ADCY7: variants seen among roughly 807,000 people sequenced by gnomAD.
ADCY7 encodes adenylate cyclase 7.
In ADCY7, 72 loss-of-function variants were observed where a neutral mutation model predicts 120.6. That is an observed-to-expected ratio of 0.60 (90% confidence interval 0.49 to 0.73). The LOEUF is 0.73. Among genes scored for constraint, ADCY7 ranks in the 30% least tolerant of loss-of-function variants. The pLI is 0.00. For missense variants in ADCY7, 1,227 were observed against 1,486.0 expected (o/e 0.83, Z 2.87); for synonymous variants, 661 against 628.0 (o/e 1.05, Z -0.78).
upstream of ADCY7, among the ~76,000 whole-genome samples, chr16:50,266,165 G>A (rs1480386862): frequency 6.6e-6 from 1 of 152,152 alleles, no homozygotes; most frequent in Admixed American, 6.5e-5. Context: ...TGAGTCCCAG[G>A]AAGGCGCGGG....
Position 50,266,639 on chromosome 16 carries a change from T to TGGCCA in ADCY7, c.-309_-308insGCCAG, listed in dbSNP as rs2033230566. The TGGCCA allele has an allele frequency of 5.2e-5, 8 of 153,202 alleles. No homozygotes were observed. In the Admixed American group the frequency reaches 5.2e-4, roughly 10 times the overall value. The allele number at this position is 153,202 out of a possible 1,614,324, so 9.5% of individuals were successfully genotyped here. ...GCAGGCGGGGGCCGGGCCACCTCCC[T>TGGCCA]GCAGACCCTGGCCGGCTGCTGGGGC... On this transcript the variant is annotated 5_prime_UTR_variant, in exon 1 of 26. Coordinates refer to ENST00000673801, the MANE Select transcript of ADCY7 (RefSeq NM_001114.5).
Position 50,304,406 on chromosome 16 carries a change from G to A in ADCY7, c.1415G>A (p.Gly472Glu), listed in dbSNP as rs748417429. 1.9e-6 allele frequency: 3 copies of A among 1,589,746 alleles called. No individual in the cohort carries two copies. Among genetic ancestry groups the A allele is most frequent in the Admixed American group, 3.5e-5 (2 of 57,004 alleles). ...PPSQHLPRPK[G>E]DAALKMRASV... Reference sequence around the variant, plus strand: ...AGCCAACACCTCCCCAGGCCCAAGGGGGACGCGGCCCTGAAGATGCGGGCG... The same window carrying A: ...AGCCAACACCTCCCCAGGCCCAAGGAGGACGCGGCCCTGAAGATGCGGGCG... Residue 472 changes from glycine to glutamate, a missense_variant, in exon 11 of 26, where the codon GGG becomes GAG. Transcript: ENST00000673801.
At chr16:50,250,371 C>T (rs553934914) in intron 1 of ADCY7, among the ~76,000 whole-genome samples, 2 of 150,188 alleles carry the variant, frequency 1.3e-5, no homozygotes, top group South Asian at 2.1e-4. Flanking sequence ...GCAGGAGAAT[C>T]GCTTGAACCC....
chr16:50,274,957 C>G (rs2033791679), intron 1 of ADCY7, among the ~76,000 whole-genome samples: 1 of 152,212 alleles, frequency 6.6e-6, no homozygotes, highest in Non-Finnish European at 1.5e-5. Context: ...GCCCAGGGCT[C>G]TATTCCCTGC....
intron 1 of ADCY7, among the ~76,000 whole-genome samples, chr16:50,247,139 G>A (rs938205860): frequency 1.9e-4 from 29 of 152,236 alleles, no homozygotes; most frequent in Non-Finnish European, 3.4e-4. Flanking sequence ...GACTTAGGCA[G>A]GGGCTTTGGG....
intron 1 of ADCY7, among the ~76,000 whole-genome samples, chr16:50,253,670 T>G (rs949700109): frequency 6.6e-6 from 1 of 152,178 alleles, no homozygotes; most frequent in Admixed American, 6.5e-5. Flanking sequence ...CTGCCCACTC[T>G]TTTGTGGTCA....
At chr16:50,259,005 TC>T (rs1489120191) in intron 1 of ADCY7, among the ~76,000 whole-genome samples, 1 of 152,232 alleles carries the variant, frequency 6.6e-6, no homozygotes, top group Non-Finnish European at 1.5e-5. Context: ...GCATTGTTTT[TC>T]CTTTTTCTTG....
At chr16:50,273,689 A>G (rs531061163) in intron 1 of ADCY7, among the ~76,000 whole-genome samples, 1 of 152,326 alleles carries the variant, frequency 6.6e-6, no homozygotes, top group East Asian at 1.9e-4. Context: ...TGCTCAGGTG[A>G]GAAACTGAGT....
intron 1 of ADCY7, among the ~76,000 whole-genome samples, chr16:50,282,911 G>A (rs1458169636): frequency 6.6e-6 from 1 of 152,094 alleles, no homozygotes; most frequent in African/African-American, 2.4e-5. Context: ...TTATAGCGAT[G>A]GGGTCTCATT....
chr16:50,271,131 C>A (rs2033544093), intron 1 of ADCY7, among the ~76,000 whole-genome samples: 1 of 152,224 alleles, frequency 6.6e-6, no homozygotes, highest in Non-Finnish European at 1.5e-5. Flanking sequence ...TAGAAGGGAC[C>A]AGTGTTGGGG....
At position 50,311,809 on chromosome 16, in the gene ADCY7, C is replaced by CA. The variant is rs745494382; in HGVS notation, c.2448+23_2448+24insA. On this transcript the variant is annotated intron_variant, in intron 20 of 25. Transcript: ENST00000673801. ...CAGGTAAGGAGGCTGGCCCCCCCCC[C>CA]CCCCCCAAGCTCTGCCCACTTTTCC... is the stretch of plus-strand genomic sequence containing the variant. 4.5e-6 allele frequency: 6 copies of CA among 1,338,274 alleles called. No homozygotes were observed. In the South Asian group the frequency reaches 5.2e-5, roughly 12 times the overall value. The allele number at this position is 1,338,274 out of a possible 1,614,324, so 82.9% of individuals were successfully genotyped here. A position where few individuals can be genotyped will look rare whatever the true frequency, so the allele number is the denominator to read the frequency against.
Position 50,292,684 on chromosome 16 carries a change from C to T in ADCY7, c.546C>T (p.Ala182=). The change falls in exon 5 of 26, where the codon GCC becomes GCT. Residue 182 remains alanine, a synonymous_variant. Coordinates refer to ENST00000673801, the MANE Select transcript of ADCY7 (RefSeq NM_001114.5). ...PSVRVGLQLL[A]NAVIFLCGNL... ...CCCCTGTCTACCCGCAGCTGCTGGC[C>T]AACGCAGTCATCTTCCTGTGTGGGA... 6.2e-7 allele frequency: 1 copy of T among 1,613,832 alleles called. No homozygotes were observed. The highest frequency in any genetic ancestry group is 8.5e-7 in the Non-Finnish European group (1 of 1,179,914).
At chr16:50,293,306 G>T in intron 5 of ADCY7, 48 bp from the exon 6 acceptor site, 1 of 1,594,660 alleles carries the variant, frequency 6.3e-7, no homozygotes, top group Non-Finnish European at 8.6e-7. Context: ...TGGTCCCTCC[G>T]CCGGTCGCTT....
Position 50,307,095 on chromosome 16 carries a change from G to A in ADCY7, c.1798G>A (p.Ala600Thr), listed in dbSNP as rs767322662. Residue 600 changes from alanine to threonine, a missense_variant, in exon 15 of 26, where the codon GCC (alanine) becomes ACC (threonine). By Grantham distance (58) the Ala-to-Thr change is moderately conservative. Around this residue, in one of 5 missense-constraint regions of ADCY7, gnomAD observed 332 missense variants for 455.8 expected, o/e 0.73. Coordinates refer to ENST00000673801, the MANE Select transcript of ADCY7 (RefSeq NM_001114.5). ...IPRARHDFAC[A>T]SLIFVCILLV... Reference sequence around the variant, plus strand: ...CCGGGCCCGCCACGACTTTGCCTGCGCCAGCCTGATCTTCGTCTGCATCCT... The same window carrying A: ...CCGGGCCCGCCACGACTTTGCCTGCACCAGCCTGATCTTCGTCTGCATCCT... 5.0e-6 allele frequency: 8 copies of A among 1,611,610 alleles called. 1 individual carries two copies. The highest frequency in any genetic ancestry group is 3.3e-5 in the Admixed American group (2 of 59,986).
upstream of ADCY7, among the ~76,000 whole-genome samples, chr16:50,264,152 AC>A (rs1190247588): frequency 6.6e-6 from 1 of 152,172 alleles, no homozygotes; most frequent in Non-Finnish European, 1.5e-5. Flanking sequence ...CCTAGAGGCA[AC>A]CGCTGTCTTG....
At chr16:50,263,395 C>G (rs947136151), upstream of ADCY7, among the ~76,000 whole-genome samples, 1 of 152,086 alleles carries the variant, frequency 6.6e-6, no homozygotes. Context: ...AGGGAAGAGA[C>G]TCACCGCCAC....
chr16:50,252,781 A>G (rs913654574), intron 1 of ADCY7, among the ~76,000 whole-genome samples: 31 of 152,282 alleles, frequency 2.0e-4, no homozygotes, highest in African/African-American at 7.2e-4. Context: ...TTATTTTTAA[A>G]TGGTTTTCAT....
chr16:50,256,386 C>A (rs1313878808), intron 1 of ADCY7, among the ~76,000 whole-genome samples: 1 of 152,126 alleles, frequency 6.6e-6, no homozygotes, highest in Non-Finnish European at 1.5e-5. Context: ...TCATCTCACA[C>A]CTGTTAGAAT....
intron 7 of ADCY7, among the ~76,000 whole-genome samples, chr16:50,295,942 G>A (rs1312851702): frequency 6.6e-6 from 1 of 152,222 alleles, no homozygotes; most frequent in Non-Finnish European, 1.5e-5. Flanking sequence ...CCATTAAATA[G>A]AGACTGAAGT....
Sources: gnomAD v4.1 joint callset for allele counts (sites outside exome capture counted in the v4.1 genomes callset) on GRCh38, gnomAD v4.1.1 for gene constraint, gnomAD v4.1.1 regional missense constraint, MANE v1.5 for transcripts, NCBI Gene and HGNC (gene_info 2026-07-23, HGNC 2026-07-21) for gene names.